The following AP3M1 variants were observed in gnomAD, a reference collection of about 807,000 sequenced individuals.
AP3M1 encodes the protein AP-3 complex subunit mu-1.
In AP3M1, 29 loss-of-function variants were observed where a neutral mutation model predicts 42.6. The ratio of observed to expected loss-of-function variants is 0.68; its 90% confidence interval spans 0.51 to 0.93. The LOEUF is 0.93. Among genes scored for constraint, AP3M1 ranks in the 40% least tolerant of loss-of-function variants. The pLI is 0.00. For missense variants in AP3M1, 416 were observed against 510.2 expected (o/e 0.82, Z 1.78); for synonymous variants, 178 against 175.3 (o/e 1.02, Z -0.12).
chr10:74,150,255 A>G (rs186605901), intron 1 of AP3M1: 2 of 152,418 alleles, frequency 1.3e-5, no homozygotes, highest in East Asian at 1.9e-4. Flanking sequence ...GGTTCAAACA[A>G]ATCTACCAAA....
At position 74,144,105 on chromosome 10, in the gene AP3M1, G is replaced by A. The variant is rs368234422; in HGVS notation, c.-3-5723C>T. Among the ~76,000 whole-genome samples the A allele has an allele frequency of 2.6e-4, 39 of 152,162 alleles. 1 individual carries two copies. The highest frequency in any genetic ancestry group is 6.8e-3 in the Middle Eastern group (2 of 294). On this transcript the variant is annotated intron_variant, in intron 1 of 8. Transcript: ENST00000355264. ...GCCTCCCGAGTAGCTGGGACTACAG[G>A]AGCCCGCCACCACGCCTGGCTAATT...
Position 74,123,768 on chromosome 10 carries a change from C to T in AP3M1, c.*42G>A. Reference sequence around the variant, plus strand: ...ACCTAATAGTGATACATCGTAATGACACTTGGAAAACAAACTGGTCCTGAG... The same window carrying T: ...ACCTAATAGTGATACATCGTAATGATACTTGGAAAACAAACTGGTCCTGAG... On this transcript the variant is annotated 3_prime_UTR_variant, in exon 9 of 9. Coordinates refer to ENST00000355264, the MANE Select transcript of AP3M1 (RefSeq NM_012095.6). 6.8e-7 allele frequency: 1 copy of T among 1,464,240 alleles called. No individual in the cohort carries two copies. The highest frequency in any genetic ancestry group is 1.1e-5 in the South Asian group (1 of 88,008). 90.7% of individuals were successfully genotyped at this position (1,464,240 alleles called of 1,614,324 possible). A position where few individuals can be genotyped will look rare whatever the true frequency, so the allele number is the denominator to read the frequency against.
Position 74,120,386 on chromosome 10 carries a change from G to A in AP3M1, c.*3424C>T, listed in dbSNP as rs1303219635. 6.6e-6 allele frequency: 1 copy of A among 152,250 alleles called. No individual in the cohort carries two copies. Among genetic ancestry groups the A allele is most frequent in the Admixed American group, 6.5e-5 (1 of 15,290 alleles). The allele number at this position is 152,250 out of a possible 1,614,324, so 9.4% of individuals were successfully genotyped here. A position where few individuals can be genotyped will look rare whatever the true frequency, so the allele number is the denominator to read the frequency against. ...GGATTACACACTTGAAGGAATGGAA[G>A]TGGCAAAGGTTAACAGGCAGAAAGC... is the stretch of plus-strand genomic sequence containing the variant. On this transcript the variant is annotated 3_prime_UTR_variant, in exon 9 of 9. Coordinates refer to ENST00000355264, the MANE Select transcript of AP3M1 (RefSeq NM_012095.6).
At chr10:74,146,898 G>A (rs1319070056) in intron 1 of AP3M1, among the ~76,000 whole-genome samples, 1 of 152,036 alleles carries the variant, frequency 6.6e-6, no homozygotes, top group African/African-American at 2.4e-5. Context: ...AAAAAACAGG[G>A]TGGTTTTTAG....
At chr10:74,144,837 T>C (rs1474195542) in intron 1 of AP3M1, among the ~76,000 whole-genome samples, 1 of 151,934 alleles carries the variant, frequency 6.6e-6, no homozygotes, top group Non-Finnish European at 1.5e-5. Flanking sequence ...TAATTTTTTG[T>C]ATTTTTAGTA....
In AP3M1 at chr10:74,126,365, GAAAC is replaced by G. The variant is rs1840615092; in HGVS notation, c.804-14_804-11del. 2.5e-6 allele frequency: 4 copies of G among 1,608,256 alleles called. No homozygotes were observed. The South Asian group carries it at 4.4e-5, about 18-fold the overall frequency. Reference sequence around the variant, plus strand: ...TGGTATTGCCACTAGACTAAAAAGAGAAACAGAGAAAGATACAAAAGCACAAACA... The same window carrying G: ...TGGTATTGCCACTAGACTAAAAAGAGAGAGAAAGATACAAAAGCACAAACA... On this transcript the variant is annotated splice_polypyrimidine_tract_variant and intron_variant, in intron 6 of 8. Transcript: ENST00000355264.
chr10:74,147,858 G>T (rs967341860), intron 1 of AP3M1, among the ~76,000 whole-genome samples: 5 of 152,196 alleles, frequency 3.3e-5, no homozygotes, highest in African/African-American at 9.7e-5. Flanking sequence ...AGTTAGCTGG[G>T]CATGGTGGTA....
At chr10:74,140,259 C>T (rs538433952) in intron 1 of AP3M1, among the ~76,000 whole-genome samples, 6 of 152,332 alleles carry the variant, frequency 3.9e-5, no homozygotes, top group African/African-American at 1.2e-4. Context: ...GGCGGCCGTG[C>T]GCCCAAGCCC....
chr10:74,137,234 C>T (rs747258056), intron 2 of AP3M1, among the ~76,000 whole-genome samples: 4 of 136,934 alleles, frequency 2.9e-5, no homozygotes, highest in Non-Finnish European at 6.5e-5. Context: ...AGTGAGACTC[C>T]GTCTCAAACA....
At chr10:74,135,331 T>C (rs974094366) in intron 3 of AP3M1, among the ~76,000 whole-genome samples, 3 of 152,210 alleles carry the variant, frequency 2.0e-5, no homozygotes, top group African/African-American at 7.2e-5. Context: ...AATGCTCTTA[T>C]TCCTTCCTCA....
chr10:74,124,013 T>G (rs2131955778), intron 8 of AP3M1, 103 bp from the exon 9 acceptor site: 2 of 1,008,038 alleles, frequency 2.0e-6, no homozygotes, highest in East Asian at 4.8e-5. Context: ...CAGTGTCCCT[T>G]CCACCATTTG....
At position 74,122,708 on chromosome 10, in the gene AP3M1, T is replaced by G. The variant is rs1840503423; in HGVS notation, c.*1102A>C. 6.6e-6 allele frequency: 1 copy of G among 152,168 alleles called. No individual in the cohort carries two copies. Among genetic ancestry groups the G allele is most frequent in the Non-Finnish European group, 1.5e-5 (1 of 68,036 alleles). The allele number at this position is 152,168 out of a possible 1,614,324, so 9.4% of individuals were successfully genotyped here. A position where few individuals can be genotyped will look rare whatever the true frequency, so the allele number is the denominator to read the frequency against. ...TTATGACAATAGTTTCTGGAAGAAA[T>G]CTATGACTATAGCTTTGGGAAGCAC... On this transcript the variant is annotated 3_prime_UTR_variant, in exon 9 of 9. Transcript: ENST00000355264.
At chr10:74,139,948 C>T (rs914767912) in intron 1 of AP3M1, among the ~76,000 whole-genome samples, 6 of 150,338 alleles carry the variant, frequency 4.0e-5, no homozygotes, top group African/African-American at 1.5e-4. Context: ...GCTGCCTTTT[C>T]GTGGAATTTG....
intron 1 of AP3M1, among the ~76,000 whole-genome samples, chr10:74,146,840 G>A (rs11000894): frequency 0.13 from 19,036 of 151,272 alleles, 1,202 homozygotes; most frequent in Middle Eastern, 0.2. Context: ...TCAAGGAAGT[G>A]GACCTAAAGA....
chr10:74,129,774 C>G, intron 5 of AP3M1, 133 bp downstream of exon 5: 3 of 687,754 alleles, frequency 4.4e-6, no homozygotes, highest in Non-Finnish European at 7.5e-6. Context: ...TCTTAGGAAA[C>G]TCTGCTAGGA....
intron 6 of AP3M1, chr10:74,128,896 A>G: frequency 8.3e-6 from 4 of 484,328 alleles, no homozygotes; most frequent in Non-Finnish European, 1.4e-5. Flanking sequence ...ATTTTACTCT[A>G]GTCTCACTTA....
intron 1 of AP3M1, among the ~76,000 whole-genome samples, chr10:74,149,825 C>T (rs1293484821): frequency 6.6e-6 from 1 of 152,130 alleles, no homozygotes; most frequent in Admixed American, 6.5e-5. Context: ...AACTTTCCCC[C>T]ACCTTGCCAC....
intron 7 of AP3M1, 78 bp from the exon 8 acceptor site, chr10:74,124,602 C>A (rs569167478): frequency 9.4e-6 from 12 of 1,271,434 alleles, no homozygotes; most frequent in Non-Finnish European, 1.3e-5. Context: ...TCAAAGATAT[C>A]ATAAACTTCT....
At chr10:74,134,654 C>T (rs1343269926) in intron 3 of AP3M1, among the ~76,000 whole-genome samples, 2 of 152,194 alleles carry the variant, frequency 1.3e-5, no homozygotes, top group Non-Finnish European at 2.9e-5. Flanking sequence ...ACCCATACGG[C>T]TGCAATATAG....
Sources: gnomAD v4.1 joint callset for allele counts (sites outside exome capture counted in the v4.1 genomes callset) on GRCh38, gnomAD v4.1.1 for gene constraint, MANE v1.5 for transcripts, NCBI Gene and HGNC (gene_info 2026-07-23, HGNC 2026-07-21) for gene names.